Variants in FLRT2 observed in about 807,000 individuals in gnomAD.
FLRT2 encodes the protein leucine-rich repeat transmembrane protein FLRT2.
In FLRT2, 15 loss-of-function variants were observed where a neutral mutation model predicts 40.0. That is an observed-to-expected ratio of 0.38 (90% CI 0.25 to 0.58). The LOEUF (loss-of-function observed/expected upper bound fraction) is 0.58, where lower values mean the gene tolerates loss of function less well. FLRT2 is among the 20% of genes least tolerant of loss of function. FLRT2 has a pLI of 0.71. For synonymous variants in FLRT2, 380 were observed against 336.8 expected, an observed-to-expected ratio of 1.13 and a Z score of -1.41; for missense variants, 726 against 840.0, an observed-to-expected ratio of 0.86 and a Z score of 1.68.
chr14:85,551,859 T>A (rs1035877848), intron 1 of FLRT2: 1 of 152,194 alleles, frequency 6.6e-6, no homozygotes, highest in African/African-American at 2.4e-5. Context: ...ATTTTGATTA[T>A]CATTTCACTT....
chr14:85,579,915 G>T (rs1891308044), intron 1 of FLRT2, among the ~76,000 whole-genome samples: 1 of 142,140 alleles, frequency 7.0e-6, no homozygotes, highest in African/African-American at 2.6e-5. Flanking sequence ...TCCATGCACA[G>T]GGTATTAGAA....
At chr14:85,608,323 G>A (rs555355881) in intron 1 of FLRT2, among the ~76,000 whole-genome samples, 6 of 151,882 alleles carry the variant, frequency 4.0e-5, no homozygotes, top group South Asian at 2.1e-4. Flanking sequence ...TCCACCTCCC[G>A]GGTTCAAGCA....
intron 1 of FLRT2, among the ~76,000 whole-genome samples, chr14:85,555,689 C>CTTTTTT: frequency 8.5e-6 from 1 of 117,884 alleles, no homozygotes; most frequent in African/African-American, 3.5e-5. Flanking sequence ...TATCTGAAAT[C>CTTTTTT]TATTTTATTT....
chr14:85,561,059 CA>C (rs1890284838), intron 1 of FLRT2: 1 of 152,030 alleles, frequency 6.6e-6, no homozygotes, highest in Admixed American at 6.5e-5. Flanking sequence ...TAGAGCACTA[CA>C]TTTTTTCCCC....
intron 1 of FLRT2, among the ~76,000 whole-genome samples, chr14:85,538,710 C>T (rs1255476236): frequency 3.3e-5 from 5 of 152,102 alleles, no homozygotes; most frequent in African/African-American, 1.2e-4. Flanking sequence ...CAATTGAAAC[C>T]ACCTTCAGCA....
intron 1 of FLRT2, among the ~76,000 whole-genome samples, chr14:85,531,478 G>A (rs1248947743): frequency 6.6e-6 from 1 of 152,122 alleles, no homozygotes; most frequent in Non-Finnish European, 1.5e-5. Flanking sequence ...CAAGATCAAG[G>A]TTGCAAGCTG....
chr14:85,532,572 C>G (rs1479523781), intron 1 of FLRT2, among the ~76,000 whole-genome samples: 1 of 152,192 alleles, frequency 6.6e-6, no homozygotes, highest in Non-Finnish European at 1.5e-5. Context: ...CTGAATCTTT[C>G]TTTGTCCGCT....
rs200412416 is a variant in FLRT2, at chr14:85,622,702, G to A, written c.1188G>A (p.Thr396=). ...TTCCAAACCCTAGCAGAAGCTACAC[G>A]CCTCCAACTCCTACCACATCGAAAC... ...LSIPNPSRSY[T]PPTPTTSKLP... is the part of the protein sequence containing the mutation. The change falls in exon 2 of 2, where the codon ACG becomes ACA. Residue 396 remains threonine, a synonymous_variant. Coordinates refer to ENST00000330753, the MANE Select transcript of FLRT2 (RefSeq NM_013231.6). 31 of 1,613,794 alleles carry A rather than the reference G, an allele frequency of 1.9e-5. No individual in the cohort carries two copies. Among genetic ancestry groups the A allele is most frequent in the African/African-American group, 2.7e-5 (2 of 74,930 alleles).
rs397853459 is a variant in FLRT2, at chr14:85,636,929, C to CAAAAAA, written c.*13452_*13457dup. 2.6e-4 allele frequency: 10 copies of CAAAAAA among 38,596 alleles called. No individual in the cohort carries two copies. Among genetic ancestry groups the CAAAAAA allele is most frequent in the East Asian group, 8.5e-4 (1 of 1,178 alleles). The allele number at this position is 38,596 out of a possible 1,614,324, so 2.4% of individuals were successfully genotyped here. A position where few individuals can be genotyped will look rare whatever the true frequency, so the allele number is the denominator to read the frequency against. On this transcript the variant is annotated 3_prime_UTR_variant, in exon 2 of 2. Transcript: ENST00000330753. ...GGGTGACAGAGCGATACTTCGTCTC[C>CAAAAAA]AAAAAAAAAAAAAAAAAAAAAAAAA...
At chr14:85,576,953 T>G (rs1891148209) in intron 1 of FLRT2, among the ~76,000 whole-genome samples, 1 of 152,252 alleles carries the variant, frequency 6.6e-6, no homozygotes, top group Admixed American at 6.5e-5. Context: ...AAGCCAGCTC[T>G]GCCCATGTGT....
At chr14:85,583,145 T>C (rs1891465882) in intron 1 of FLRT2, among the ~76,000 whole-genome samples, 1 of 152,192 alleles carries the variant, frequency 6.6e-6, no homozygotes, top group Admixed American at 6.5e-5. Context: ...TATAGGATGC[T>C]GAAAATTACT....
At chr14:85,568,245 G>A (rs1890722405) in intron 1 of FLRT2, among the ~76,000 whole-genome samples, 1 of 151,956 alleles carries the variant, frequency 6.6e-6, no homozygotes, top group Admixed American at 6.6e-5. Flanking sequence ...AGATCATGGG[G>A]CTTGGAGGCA....
rs1230796616 is a variant in FLRT2 at position 85,654,113 on chromosome 14, C to T, written c.*30616C>T. 6.6e-6 allele frequency: 1 copy of T among 151,996 alleles called. No individual in the cohort carries two copies. The highest frequency in any genetic ancestry group is 1.5e-5 in the Non-Finnish European group (1 of 67,998). The allele number at this position is 151,996 out of a possible 1,614,324, so 9.4% of individuals were successfully genotyped here. A position where few individuals can be genotyped will look rare whatever the true frequency, so the allele number is the denominator to read the frequency against. ...AAATACAAATTCGTAAAGATAATAC[C>T]TTGATGTTTATGTCTATGCCAAACT... is the stretch of plus-strand genomic sequence containing the variant. On this transcript the variant is annotated 3_prime_UTR_variant, in exon 2 of 2. Transcript: ENST00000330753.
intron 1 of FLRT2, among the ~76,000 whole-genome samples, chr14:85,617,219 G>A (rs553708437): frequency 6.6e-6 from 1 of 152,258 alleles, no homozygotes; most frequent in Admixed American, 6.5e-5. Flanking sequence ...GCAGGTCAAA[G>A]CTGATTTTAT....
chr14:85,639,456 T>C lies in FLRT2; in HGVS notation c.*15959T>C, dbSNP rs1239192972. 1 of 152,086 alleles carries C rather than the reference T, an allele frequency of 6.6e-6. No individual in the cohort carries two copies. Among genetic ancestry groups the C allele is most frequent in the East Asian group, 1.9e-4 (1 of 5,166 alleles). 9.4% of individuals were successfully genotyped at this position (152,086 alleles called of 1,614,324 possible). On this transcript the variant is annotated 3_prime_UTR_variant, in exon 2 of 2. Transcript: ENST00000330753. ...GTCATTAGGCATTCAAGGTACCACA[T>C]TTACTTTCTACAATGCAAGTAGAAG...
At chr14:85,608,200 G>A (rs1305435314) in intron 1 of FLRT2, among the ~76,000 whole-genome samples, 1 of 151,934 alleles carries the variant, frequency 6.6e-6, no homozygotes, top group Non-Finnish European at 1.5e-5. Flanking sequence ...ACAGTCCACT[G>A]CCTCTCATGT....
intron 1 of FLRT2, among the ~76,000 whole-genome samples, chr14:85,591,342 G>A (rs944849085): frequency 6.6e-6 from 1 of 152,130 alleles, no homozygotes; most frequent in African/African-American, 2.4e-5. Context: ...AGTCACTGAG[G>A]ATTGGGTAAA....
At chr14:85,582,227 T>C (rs1022275537) in intron 1 of FLRT2, among the ~76,000 whole-genome samples, 1 of 152,286 alleles carries the variant, frequency 6.6e-6, no homozygotes, top group Admixed American at 6.5e-5. Flanking sequence ...CTGATACATA[T>C]GAAATACAAC....
At chr14:85,534,582 A>G (rs768341485) in intron 1 of FLRT2, among the ~76,000 whole-genome samples, 40 of 151,660 alleles carry the variant, frequency 2.6e-4, no homozygotes, top group Admixed American at 4.6e-4. Flanking sequence ...GGTGATGTGA[A>G]TTTGCCACGA....
Sources: allele counts gnomAD v4.1 joint callset (sites outside exome capture counted in the v4.1 genomes callset), GRCh38; gene constraint gnomAD v4.1.1; transcripts MANE v1.5; gene names NCBI Gene and HGNC (gene_info 2026-07-23, HGNC 2026-07-21).